The following EPHA4 variants were observed in gnomAD, a reference collection of about 807,000 sequenced individuals.
EPHA4 encodes EPH receptor A4, also known as ephrin type-A receptor 4.
EPHA4 carries 19 observed loss-of-function variants against 108.3 expected under a neutral mutation model. That is an observed-to-expected ratio of 0.18 (90% confidence interval 0.12 to 0.26). EPHA4 has a LOEUF of 0.26. Ranked by LOEUF, EPHA4 falls within the 10% of genes least tolerant of loss-of-function variation. The pLI, the probability that EPHA4 is intolerant of heterozygous loss-of-function variation, is 1.00. For missense variants in EPHA4, 917 were observed against 1,254.0 expected, an observed-to-expected ratio of 0.73 and a Z score of 4.06; for synonymous variants, 449 against 455.5, an observed-to-expected ratio of 0.99 and a Z score of 0.18.
At position 221,546,990 on chromosome 2, in the gene EPHA4, G is replaced by A. The variant is rs1694017065; in HGVS notation, c.823+16741C>T. ...AATTTTTGTGGCTATCATAATTCAG[G>A]ATATACTGGCTCTACTGAGCTGAAA... is the stretch of plus-strand genomic sequence containing the variant. On this transcript the variant is annotated intron_variant, in intron 3 of 17. Coordinates refer to ENST00000281821, the MANE Select transcript of EPHA4 (RefSeq NM_004438.5). Among the ~76,000 whole-genome samples, 3 of 152,130 alleles carry A rather than the reference G, an allele frequency of 2.0e-5. No individual in the cohort carries two copies. The South Asian group carries it at 6.2e-4, about 32-fold the overall frequency.
chr2:221,572,323 G>A, upstream of EPHA4: 1 of 1,376,068 alleles, frequency 7.3e-7, no homozygotes, highest in Non-Finnish European at 1.0e-6. Context: ...AGAGCAGCGG[G>A]CTGAAGACAT....
intron 3 of EPHA4, among the ~76,000 whole-genome samples, chr2:221,503,030 C>G (rs771529151): frequency 2.6e-5 from 4 of 152,080 alleles, no homozygotes; most frequent in Non-Finnish European, 5.9e-5. Context: ...AATCAGAAAC[C>G]CTGACTTTAG....
At chr2:221,493,038 C>A (rs1027775249) in intron 4 of EPHA4, among the ~76,000 whole-genome samples, 4 of 152,092 alleles carry the variant, frequency 2.6e-5, no homozygotes, top group Non-Finnish European at 5.9e-5. Context: ...AGAGATCAAC[C>A]AATGAATCTT....
At chr2:221,435,434 A>C (rs1326573968) in intron 13 of EPHA4, among the ~76,000 whole-genome samples, 1 of 152,180 alleles carries the variant, frequency 6.6e-6, no homozygotes, top group Non-Finnish European at 1.5e-5. Flanking sequence ...AAGCATAAGA[A>C]TCAAAACTGG....
At chr2:221,421,829 CACT>C (rs539338897) in intron 17 of EPHA4, among the ~76,000 whole-genome samples, 186 of 152,306 alleles carry the variant, frequency 1.2e-3, no homozygotes, top group Non-Finnish European at 2.2e-3. Flanking sequence ...TTTATCAAAT[CACT>C]TGTCTGTTTT....
intron 6 of EPHA4, 59 bp from the exon 7 acceptor site, chr2:221,456,831 C>T: frequency 6.3e-7 from 1 of 1,595,854 alleles, no homozygotes; most frequent in Non-Finnish European, 8.6e-7. Flanking sequence ...TGCTTACTTA[C>T]TAGGTGCAAT....
intron 17 of EPHA4, chr2:221,421,861 C>T (rs1269165639): frequency 6.6e-6 from 1 of 152,090 alleles, no homozygotes; most frequent in East Asian, 1.9e-4. Context: ...GTACATTTAT[C>T]GTGTAGAGAA....
At chr2:221,528,305 C>T (rs1693404974) in intron 3 of EPHA4, among the ~76,000 whole-genome samples, 2 of 152,168 alleles carry the variant, frequency 1.3e-5, no homozygotes, top group African/African-American at 4.8e-5. Context: ...AGCCTTGCTA[C>T]GCTGCCTCCC....
At chr2:221,433,164 CATTTCTT>C (rs1414245750) in intron 14 of EPHA4, among the ~76,000 whole-genome samples, 2 of 152,126 alleles carry the variant, frequency 1.3e-5, no homozygotes, top group Non-Finnish European at 2.9e-5. Context: ...ACCTGCATCC[CATTTCTT>C]AAGTGCACGT....
intron 11 of EPHA4, among the ~76,000 whole-genome samples, chr2:221,441,542 G>A (rs376409013): frequency 6.6e-6 from 1 of 151,938 alleles, no homozygotes; most frequent in East Asian, 1.9e-4. Context: ...GATTCTTCCT[G>A]GACACCAGAC....
At chr2:221,509,844 A>G (rs918547730) in intron 3 of EPHA4, among the ~76,000 whole-genome samples, 4 of 152,234 alleles carry the variant, frequency 2.6e-5, no homozygotes, top group African/African-American at 9.6e-5. Flanking sequence ...AGAATAATTG[A>G]TAGCAAGGGC....
rs1042653428 is a variant in EPHA4 at position 221,571,218 on chromosome 2, T to G, written c.91+940A>C. ...TGCACACACACCACACATGCAGACA[T>G]GCACACACACGCAGACATGCACACA... is the stretch of plus-strand genomic sequence containing the variant. On this transcript the variant is annotated intron_variant, in intron 1 of 17. Transcript: ENST00000281821. The surrounding 1 kb of genome is among the most constrained non-coding windows in gnomAD (Gnocchi z 6.3). 6.7e-6 allele frequency among the ~76,000 whole-genome samples: 1 copy of G among 149,002 alleles called. No individual in the cohort carries two copies. Among genetic ancestry groups the G allele is most frequent in the South Asian group, 2.2e-4 (1 of 4,610 alleles).
At chr2:221,457,213 AT>A (rs1464975319) in intron 6 of EPHA4, among the ~76,000 whole-genome samples, 46 of 152,210 alleles carry the variant, frequency 3.0e-4, no homozygotes, top group Admixed American at 5.9e-4. Context: ...AAGGAAGCCA[AT>A]AAGTGATTAT....
intron 3 of EPHA4, among the ~76,000 whole-genome samples, chr2:221,544,474 C>T (rs1464718085): frequency 6.6e-6 from 1 of 152,130 alleles, no homozygotes; most frequent in East Asian, 1.9e-4. Flanking sequence ...TACAGGCATG[C>T]ACCACCAGGC....
chr2:221,508,776 C>G (rs901032072), intron 3 of EPHA4, among the ~76,000 whole-genome samples: 3 of 152,062 alleles, frequency 2.0e-5, no homozygotes, highest in African/African-American at 7.2e-5. Flanking sequence ...GAAGCTCTCA[C>G]ACAGAACTCT....
In EPHA4 at chr2:221,424,397, T is replaced by G. The variant is rs112988947; in HGVS notation, c.*819+812A>C. ...CATTCCTTGCTCTATAAGAAATAGC[T>G]TTCAGGATACAACCAAGGGGAAAGA... On this transcript the variant is annotated intron_variant, in intron 17 of 17. Coordinates refer to ENST00000281821, the MANE Select transcript of EPHA4 (RefSeq NM_004438.5). 1.0e-3 allele frequency among the ~76,000 whole-genome samples: 157 copies of G among 152,114 alleles called. 1 individual carries two copies. The highest frequency in any genetic ancestry group is 3.6e-3 in the African/African-American group (151 of 41,500).
intron 8 of EPHA4, among the ~76,000 whole-genome samples, chr2:221,453,866 G>A (rs771104596): frequency 3.1e-4 from 47 of 152,148 alleles, no homozygotes; most frequent in Non-Finnish European, 6.3e-4. Context: ...TAGAGAGTGA[G>A]GATGGGAGCA....
chr2:221,570,315 T>TC (rs71050344), intron 1 of EPHA4, among the ~76,000 whole-genome samples: 372 of 147,304 alleles, frequency 2.5e-3, no homozygotes, highest in East Asian at 0.016. Flanking sequence ...CAAGTTTTTC[T>TC]CCCCCCCCCC....
At chr2:221,467,078 C>T (rs1691335484) in intron 5 of EPHA4, among the ~76,000 whole-genome samples, 1 of 152,208 alleles carries the variant, frequency 6.6e-6, no homozygotes, top group Non-Finnish European at 1.5e-5. Context: ...AACCTTAAAA[C>T]TTTTGGTGCA....
Sources: allele counts gnomAD v4.1 joint callset (sites outside exome capture counted in the v4.1 genomes callset), GRCh38; gene constraint gnomAD v4.1.1; non-coding constraint Gnocchi (gnomAD v3.1); transcripts MANE v1.5; gene names NCBI Gene and HGNC (gene_info 2026-07-23, HGNC 2026-07-21).